Variants in TRIM7 observed in about 807,000 individuals in gnomAD.
The protein encoded by TRIM7 is tripartite motif containing 7, also known as E3 ubiquitin-protein ligase TRIM7.
A neutral mutation model predicts 37.9 loss-of-function variants in TRIM7; 32 were observed. The observed-to-expected ratio is 0.84, with a 90% CI of 0.64 to 1.13. The LOEUF is 1.13. Among genes scored for constraint, TRIM7 ranks in the 50% most tolerant of loss-of-function variants. The probability of loss-of-function intolerance (pLI) is 0.00; values close to 1 mark genes in which losing one functional copy is unlikely to be tolerated. For missense variants in TRIM7, 732 were observed against 714.0 expected, an observed-to-expected ratio of 1.03 and a Z score of -0.29; for synonymous variants, 351 against 321.3, an observed-to-expected ratio of 1.09 and a Z score of -0.99.
rs1334651364 is a variant in TRIM7, at chr5:181,204,690, A to C, written c.421T>G (p.Cys141Gly). 2 of 1,507,926 alleles carry C rather than the reference A, an allele frequency of 1.3e-6. No individual in the cohort carries two copies. The highest frequency in any genetic ancestry group is 2.8e-5 in the East Asian group (1 of 36,310). The allele number at this position is 1,507,926 out of a possible 1,614,324, so 93.4% of individuals were successfully genotyped here. A position where few individuals can be genotyped will look rare whatever the true frequency, so the allele number is the denominator to read the frequency against. ...GQHGEPFKLYCQDDGRAICVV... is the reference protein window; with the variant it reads ...GQHGEPFKLYGQDDGRAICVV... ...CAGATGGCGCGTCCGTCGTCCTGGC[A>C]GTAGAGCTTGAAGGGTTCGCCATGC... Residue 141 changes from cysteine (C) to glycine (G), a missense_variant, in exon 1 of 7, where the codon TGC (cysteine) becomes GGC (glycine). By Grantham distance (159) the Cys-to-Gly change is radical. Transcript: ENST00000274773.
Position 181,205,097 on chromosome 5 carries a change from C to A in TRIM7, c.14G>T (p.Gly5Val). The change falls in exon 1 of 7, where the codon GGA becomes GTA. Residue 5 changes from glycine (G) to valine (V), a missense_variant. Transcript: ENST00000274773. MAAV[G>V]PRTGPGTGAE... ...GCCGGTTCCGGGGCCGGTCCGCGGT[C>A]CCACAGCCGCCATGCGCGCTCTCCG... 1 of 1,332,254 alleles carries A rather than the reference C, an allele frequency of 7.5e-7. No individual in the cohort carries two copies. The highest frequency in any genetic ancestry group is 2.4e-4 in the Middle Eastern group (1 of 4,200). The allele number at this position is 1,332,254 out of a possible 1,614,324, so 82.5% of individuals were successfully genotyped here.
intron 1 of TRIM7, 59 bp downstream of exon 1, chr5:181,204,530 G>GCGCGGGAC: frequency 7.7e-7 from 1 of 1,306,548 alleles, no homozygotes; most frequent in South Asian, 2.0e-5. Flanking sequence ...GTGCGCGGGA[G>GCGCGGGAC]CGCGGGACCA....
intron 2 of TRIM7, among the ~76,000 whole-genome samples, chr5:181,201,564 G>A (rs1040844040): frequency 2.6e-5 from 4 of 152,108 alleles, no homozygotes; most frequent in South Asian, 2.1e-4. Context: ...AGACCAGCCT[G>A]GGCAACACAG....
At chr5:181,202,164 T>G (rs1757526083) in intron 2 of TRIM7, 1 of 151,318 alleles carries the variant, frequency 6.6e-6, no homozygotes, top group Admixed American at 6.6e-5. Context: ...CAGGTCCTAG[T>G]AGATCCTTTC....
chr5:181,195,061 G>C lies in TRIM7; in HGVS notation c.*105C>G, dbSNP rs1301324533. 2 of 1,400,588 alleles carry C rather than the reference G, an allele frequency of 1.4e-6. No individual in the cohort carries two copies. The highest frequency in any genetic ancestry group is 2.3e-5 in the Admixed American group (1 of 44,096). 86.8% of individuals were successfully genotyped at this position (1,400,588 alleles called of 1,614,324 possible). A position where few individuals can be genotyped will look rare whatever the true frequency, so the allele number is the denominator to read the frequency against. On this transcript the variant is annotated 3_prime_UTR_variant, in exon 7 of 7. Transcript: ENST00000274773. ...GTAGCAGGCTCTCTTGGGCAGCAGG[G>C]GTCAGGAGCACGGAGGGCAGACCCA... is the stretch of plus-strand genomic sequence containing the variant.
At chr5:181,204,123 C>T in intron 1 of TRIM7, 2 of 998,448 alleles carry the variant, frequency 2.0e-6, no homozygotes, top group Non-Finnish European at 2.4e-6. Context: ...ACCCGGGAGC[C>T]CCCTCCCTGG....
Position 181,195,175 on chromosome 5 carries a change from G to C in TRIM7, c.1527C>G (p.Ile509Met), listed in dbSNP as rs749963929. 6.3e-7 allele frequency: 1 copy of C among 1,599,438 alleles called. No homozygotes were observed. Among genetic ancestry groups the C allele is most frequent in the Non-Finnish European group, 8.5e-7 (1 of 1,171,252 alleles). Residue 509 changes from isoleucine to methionine, a missense_variant, in exon 7 of 7, where the codon ATC becomes ATG. By Grantham distance (10) the Ile-to-Met change is conservative. Coordinates refer to ENST00000274773, the MANE Select transcript of TRIM7 (RefSeq NM_203293.3). Reference sequence around the variant, plus strand: ...TCCCCAGCAGTGCCCCTCAAGGCCAGATTCGCAAGTAGGTGCCCGTGGAGC... The same window carrying C: ...TCCCCAGCAGTGCCCCTCAAGGCCACATTCGCAAGTAGGTGCCCGTGGAGC... Reference protein sequence around the residue: ...SVCSTGTYLRIWP With the variant: ...SVCSTGTYLRMWP
Position 181,205,159 on chromosome 5 carries a change from A to T in TRIM7, c.-49T>A. Reference sequence around the variant, plus strand: ...CTGGTCGCGCCTGGGCGGCCACTGGACCTCACAGGACGCGGAGCTGGGCGC... The same window carrying T: ...CTGGTCGCGCCTGGGCGGCCACTGGTCCTCACAGGACGCGGAGCTGGGCGC... On this transcript the variant is annotated 5_prime_UTR_variant, in exon 1 of 7. Coordinates refer to ENST00000274773, the MANE Select transcript of TRIM7 (RefSeq NM_203293.3). 7.9e-7 allele frequency: 1 copy of T among 1,273,376 alleles called. No individual in the cohort carries two copies. Among genetic ancestry groups the T allele is most frequent in the Middle Eastern group, 2.6e-4 (1 of 3,840 alleles). 78.9% of individuals were successfully genotyped at this position (1,273,376 alleles called of 1,614,324 possible). A position where few individuals can be genotyped will look rare whatever the true frequency, so the allele number is the denominator to read the frequency against.
intron 4 of TRIM7, 59 bp downstream of exon 4, chr5:181,199,036 G>C (rs2770941): frequency 0.087 from 140,083 of 1,602,234 alleles, 13,665 homozygotes; most frequent in African/African-American, 0.5. Context: ...TAAAGACAAG[G>C]CTCAGTGAAA....
chr5:181,200,359 C>T (rs935671972), intron 2 of TRIM7: 3 of 1,406,374 alleles, frequency 2.1e-6, no homozygotes, highest in African/African-American at 2.9e-5. Flanking sequence ...CTTCATACTC[C>T]CCCCAGAACT....
At chr5:181,201,018 T>A in intron 2 of TRIM7, 1 of 667,780 alleles carries the variant, frequency 1.5e-6, no homozygotes, top group Non-Finnish European at 1.8e-6. Context: ...GTCTTACAGG[T>A]GAGGAGACAA....
rs1256137217 is a variant in TRIM7, at chr5:181,195,113, C to T, written c.*53G>A. On this transcript the variant is annotated 3_prime_UTR_variant, in exon 7 of 7. Coordinates refer to ENST00000274773, the MANE Select transcript of TRIM7 (RefSeq NM_203293.3). ...GACGGACCAGGCATCTCTGGGGAGG[C>T]GACATCCCCTCCCACCGGCAGCCCA... The T allele has an allele frequency of 1.9e-6, 3 of 1,542,054 alleles. No individual in the cohort carries two copies. The highest frequency in any genetic ancestry group is 2.3e-5 in the East Asian group (1 of 44,160).
chr5:181,198,466 C>G (rs528795429), intron 5 of TRIM7, among the ~76,000 whole-genome samples: 1 of 152,304 alleles, frequency 6.6e-6, no homozygotes, highest in African/African-American at 2.4e-5. Context: ...ACCCCAGTCC[C>G]CCAGCAGTAC....
Position 181,195,385 on chromosome 5 carries a change from G to A in TRIM7, c.1317C>T (p.Gly439=), listed in dbSNP as rs758620055. ...GGCTGGTCACGGCCCAGTACTGGCC[G>A]CCGTTGAGCTGCAGGGCCCAGACGC... ...EEGVWALQLN[G]GQYWAVTSPE... Residue 439 remains glycine (G), a synonymous_variant, in exon 7 of 7, where the codon GGC becomes GGT. Coordinates refer to ENST00000274773, the MANE Select transcript of TRIM7 (RefSeq NM_203293.3). 2 of 1,583,088 alleles carry A rather than the reference G, an allele frequency of 1.3e-6. No individual in the cohort carries two copies. The highest frequency in any genetic ancestry group is 1.7e-6 in the Non-Finnish European group (2 of 1,164,760).
At chr5:181,200,647 C>G (rs960820377) in intron 2 of TRIM7, 1 of 1,000,032 alleles carries the variant, frequency 1.0e-6, no homozygotes, top group African/African-American at 1.7e-5. Context: ...CAGCACACCC[C>G]CAAGGAACGA....
At chr5:181,195,720 C>T (rs1410887150) in intron 6 of TRIM7, 43 bp from the exon 7 acceptor site, 6 of 1,506,522 alleles carry the variant, frequency 4.0e-6, no homozygotes, top group Non-Finnish European at 5.3e-6. Flanking sequence ...GCAGCCAGGC[C>T]CCTGGCACAG....
chr5:181,199,556 G>C, intron 3 of TRIM7: 1 of 503,658 alleles, frequency 2.0e-6, no homozygotes, highest in East Asian at 3.5e-5. Flanking sequence ...TAGCGAAATA[G>C]AATAGAAAAC....
chr5:181,195,436 G>A lies in TRIM7; in HGVS notation c.1266C>T (p.Gly422=), dbSNP rs1757040320. The A allele has an allele frequency of 1.2e-6, 2 of 1,607,146 alleles. No homozygotes were observed. Among genetic ancestry groups the A allele is most frequent in the African/African-American group, 1.3e-5 (1 of 74,802 alleles). The change falls in exon 7 of 7, where the codon GGC becomes GGT. Residue 422 remains glycine, a synonymous_variant. Transcript: ENST00000274773. The part of the protein sequence containing the change: ...GVARESVRRK[G]LTPFTPEEGV... ...CCTCCTCGGGAGTGAAGGGCGTCAG[G>A]CCCTTTCGGCGCACGCTCTCGCGGG...
In TRIM7 at chr5:181,198,769, G is replaced by C; in HGVS notation, c.909C>G (p.Val303=). The C allele has an allele frequency of 4.3e-6, 7 of 1,614,116 alleles. No homozygotes were observed. The highest frequency in any genetic ancestry group is 5.9e-6 in the Non-Finnish European group (7 of 1,179,996). Residue 303 remains valine (V), a synonymous_variant, in exon 5 of 7, where the codon GTC becomes GTG. Coordinates refer to ENST00000274773, the MANE Select transcript of TRIM7 (RefSeq NM_203293.3). ...SNVPGPKPTT[V]SSEMKNKVWN... ...AGACTTTATTCTTCATCTCAGAAGAGACTGTGGTTGGCTTGGGGCCAGGCA... is the reference window on the plus strand; with the variant it reads ...AGACTTTATTCTTCATCTCAGAAGACACTGTGGTTGGCTTGGGGCCAGGCA...
Sources: gnomAD v4.1 joint callset for allele counts (sites outside exome capture counted in the v4.1 genomes callset) on GRCh38, gnomAD v4.1.1 for gene constraint, MANE v1.5 for transcripts, NCBI Gene and HGNC (gene_info 2026-07-23, HGNC 2026-07-21) for gene names.